The following COL19A1 variants were observed in gnomAD, a reference collection of about 807,000 sequenced individuals.
COL19A1 encodes the protein collagen type XIX alpha 1 chain.
Under a neutral mutation model 190.2 loss-of-function variants are expected in COL19A1, and 159 were observed. The observed-to-expected ratio is 0.84, with a 90% CI of 0.73 to 0.95. The LOEUF (loss-of-function observed/expected upper bound fraction) is 0.95. Among genes scored for constraint, COL19A1 ranks in the 40% least tolerant of loss-of-function variants. COL19A1 has a pLI of 0.00. For missense variants in COL19A1, 1,418 were observed against 1,431.9 expected (o/e 0.99, Z 0.16); for synonymous variants, 509 against 458.9 (o/e 1.11, Z -1.39).
intron 2 of COL19A1, among the ~76,000 whole-genome samples, chr6:69,886,793 A>C (rs1327803626): frequency 6.6e-6 from 1 of 152,176 alleles, no homozygotes; most frequent in African/African-American, 2.4e-5. Context: ...TTTACTTTAT[A>C]TTAAAGTATG....
intron 11 of COL19A1, among the ~76,000 whole-genome samples, chr6:70,020,775 C>T (rs908152369): frequency 7.9e-5 from 12 of 151,888 alleles, no homozygotes; most frequent in African/African-American, 2.9e-4. Flanking sequence ...AGGACTGCCC[C>T]CACAACAAAG....
chr6:70,077,970 A>C lies in COL19A1; in HGVS notation c.1224+9494A>C, dbSNP rs548365128. Among the ~76,000 whole-genome samples the C allele has an allele frequency of 6.6e-5, 10 of 152,344 alleles. No homozygotes were observed. In the South Asian group the frequency reaches 1.7e-3, roughly 25 times the overall value. ...CGTTGCTTCACACTCTCCATTGGCC[A>C]TGTGTTTTATGCAGTCTTCCAAATC... On this transcript the variant is annotated intron_variant, in intron 15 of 50. Transcript: ENST00000620364.
At chr6:69,986,256 C>T (rs1320718825) in intron 11 of COL19A1, among the ~76,000 whole-genome samples, 1 of 145,862 alleles carries the variant, frequency 6.9e-6, no homozygotes, top group Non-Finnish European at 1.5e-5. Context: ...TATATATACA[C>T]ACACACATAT....
chr6:69,866,822 A>G (rs1767472602), intron 1 of COL19A1, among the ~76,000 whole-genome samples, 182 bp downstream of exon 1: 1 of 152,234 alleles, frequency 6.6e-6, no homozygotes, highest in Non-Finnish European at 1.5e-5. Context: ...ACGTTTCCAT[A>G]GGGGCCTTAA....
intron 15 of COL19A1, among the ~76,000 whole-genome samples, chr6:70,086,508 AT>A (rs1056030480): frequency 2.0e-5 from 3 of 152,172 alleles, no homozygotes; most frequent in Non-Finnish European, 4.4e-5. Context: ...CTTGAAGAAA[AT>A]ATCTCAAACT....
At chr6:69,919,313 G>C (rs769769275) in intron 4 of COL19A1, among the ~76,000 whole-genome samples, 2 of 152,156 alleles carry the variant, frequency 1.3e-5, no homozygotes, top group Non-Finnish European at 2.9e-5. Flanking sequence ...CAGAGCTTGT[G>C]TTTTATAAAC....
intron 15 of COL19A1, among the ~76,000 whole-genome samples, chr6:70,092,072 G>A (rs1782963219): frequency 6.6e-6 from 1 of 152,110 alleles, no homozygotes; most frequent in Non-Finnish European, 1.5e-5. Context: ...AAAAGAAGTG[G>A]TGAGCTGGGA....
chr6:69,973,400 A>G (rs947044431), intron 11 of COL19A1, among the ~76,000 whole-genome samples: 1 of 152,058 alleles, frequency 6.6e-6, no homozygotes, highest in South Asian at 2.1e-4. Flanking sequence ...CTTACCTCCC[A>G]TCAAGCCTGA....
At chr6:69,956,325 G>A (rs1452928952) in intron 9 of COL19A1, among the ~76,000 whole-genome samples, 2 of 151,738 alleles carry the variant, frequency 1.3e-5, no homozygotes, top group Non-Finnish European at 1.5e-5. Context: ...TGCATTAGCC[G>A]CATTAAGGAT....
rs143971207 is a variant in COL19A1, at chr6:70,188,354, T to C, written c.3027+109T>C. The C allele has an allele frequency of 6.0e-4, 780 of 1,309,498 alleles. 5 individuals carry two copies. Among genetic ancestry groups the C allele is most frequent in the African/African-American group, 2.4e-3 (158 of 66,776 alleles). The allele number at this position is 1,309,498 out of a possible 1,614,324, so 81.1% of individuals were successfully genotyped here. ...TCAAATAAATAAAACAAACCTAAAC[T>C]GGTCCCCGTGAGGGCAATAATAGCT... On this transcript the variant is annotated intron_variant, in intron 47 of 50. Transcript: ENST00000620364.
At chr6:70,144,857 C>T in intron 24 of COL19A1, 61 bp from the exon 25 acceptor site, 1 of 1,034,668 alleles carries the variant, frequency 9.7e-7, no homozygotes, top group Admixed American at 2.3e-5. Flanking sequence ...AAACCACTAC[C>T]TCCTCACTTC....
intron 4 of COL19A1, among the ~76,000 whole-genome samples, chr6:69,903,854 A>G (rs1770348139): frequency 1.3e-5 from 2 of 152,236 alleles, no homozygotes; most frequent in South Asian, 2.1e-4. Context: ...CAGCAGCATC[A>G]TACCAATCCT....
intron 11 of COL19A1, among the ~76,000 whole-genome samples, chr6:69,966,165 G>C (rs573759941): frequency 6.6e-6 from 1 of 151,998 alleles, no homozygotes; most frequent in Non-Finnish European, 1.5e-5. Context: ...GGCAGCCCCC[G>C]CCCGGCCAGC....
chr6:69,882,155 A>C (rs967498351), intron 2 of COL19A1, among the ~76,000 whole-genome samples: 1 of 152,220 alleles, frequency 6.6e-6, no homozygotes, highest in African/African-American at 2.4e-5. Context: ...TAATTGCTGT[A>C]CCTTAACTCT....
chr6:70,182,735 T>C (rs1219652955), intron 44 of COL19A1, among the ~76,000 whole-genome samples: 3 of 152,166 alleles, frequency 2.0e-5, no homozygotes, highest in African/African-American at 7.2e-5. Flanking sequence ...CTCTACTGCA[T>C]CAGAAACGTA....
intron 9 of COL19A1, among the ~76,000 whole-genome samples, chr6:69,955,391 A>C (rs893426868): frequency 3.3e-5 from 5 of 152,116 alleles, no homozygotes; most frequent in African/African-American, 9.7e-5. Context: ...AGGATTGTAA[A>C]ATAACATCCC....
At chr6:70,103,084 G>T (rs751891376) in intron 16 of COL19A1, among the ~76,000 whole-genome samples, 1 of 152,112 alleles carries the variant, frequency 6.6e-6, no homozygotes, top group African/African-American at 2.4e-5. Flanking sequence ...TTGTTGCTGA[G>T]TCCCAGGCTG....
intron 11 of COL19A1, among the ~76,000 whole-genome samples, chr6:69,975,516 G>T (rs974503304): frequency 2.0e-5 from 3 of 152,170 alleles, no homozygotes; most frequent in Non-Finnish European, 4.4e-5. Context: ...GTGAATCTGA[G>T]AATATATAGA....
chr6:70,192,801 T>C (rs1766967060), intron 48 of COL19A1, among the ~76,000 whole-genome samples: 1 of 152,230 alleles, frequency 6.6e-6, no homozygotes, highest in Non-Finnish European at 1.5e-5. Context: ...CCGGACATGC[T>C]AGTCCTGGGG....
Sources: gnomAD v4.1 joint callset for allele counts (sites outside exome capture counted in the v4.1 genomes callset) on GRCh38, gnomAD v4.1.1 for gene constraint, MANE v1.5 for transcripts, NCBI Gene and HGNC (gene_info 2026-07-23, HGNC 2026-07-21) for gene names.